PHKB: variants seen among roughly 807,000 people sequenced by gnomAD.
PHKB encodes phosphorylase kinase regulatory subunit beta, also known as phosphorylase b kinase regulatory subunit beta.
In PHKB, 122 loss-of-function variants were observed where a neutral mutation model predicts 152.1. The observed-to-expected ratio is 0.80, with a 90% CI of 0.69 to 0.93. PHKB has a LOEUF of 0.93. Among genes scored for constraint, PHKB ranks in the 40% least tolerant of loss-of-function variants. PHKB has a pLI of 0.00. For synonymous variants in PHKB, 436 were observed against 464.9 expected, an observed-to-expected ratio of 0.94 and a Z score of 0.80; for missense variants, 1,304 against 1,328.4, an observed-to-expected ratio of 0.98 and a Z score of 0.29.
intron 8 of PHKB, 83 bp from the exon 9 acceptor site, chr16:47,587,585 G>A (rs750165829): frequency 2.1e-6 from 2 of 939,508 alleles, no homozygotes; most frequent in Non-Finnish European, 3.4e-6. Context: ...CAGTATTTTT[G>A]TGAAGTTTTC....
intron 13 of PHKB, among the ~76,000 whole-genome samples, chr16:47,600,897 A>G (rs1308438540): frequency 6.6e-6 from 1 of 152,218 alleles, no homozygotes; most frequent in Non-Finnish European, 1.5e-5. Context: ...GTGTCCCAGC[A>G]TTTGGGGAGG....
At chr16:47,521,707 G>T (rs967420583) in intron 6 of PHKB, among the ~76,000 whole-genome samples, 2 of 151,308 alleles carry the variant, frequency 1.3e-5, no homozygotes, top group Admixed American at 1.3e-4. Context: ...TTTTTTTGGA[G>T]ATGCCCTTCA....
At chr16:47,578,473 G>A (rs537361560) in intron 7 of PHKB, among the ~76,000 whole-genome samples, 52 of 152,146 alleles carry the variant, frequency 3.4e-4, no homozygotes, top group African/African-American at 1.2e-3. Context: ...TACCACTCTG[G>A]TAGAAGAAGG....
chr16:47,472,551 G>A (rs1969789195), intron 1 of PHKB, among the ~76,000 whole-genome samples: 1 of 152,122 alleles, frequency 6.6e-6, no homozygotes, highest in Non-Finnish European at 1.5e-5. Context: ...GGGAGGCCGA[G>A]ACGGGCGGAT....
intron 13 of PHKB, among the ~76,000 whole-genome samples, chr16:47,605,194 G>A (rs569660823): frequency 5.9e-5 from 9 of 152,320 alleles, no homozygotes; most frequent in African/African-American, 2.2e-4. Flanking sequence ...ATTCTGCTTA[G>A]TAAGTGTATT....
chr16:47,668,017 G>A (rs1973569537), intron 25 of PHKB, among the ~76,000 whole-genome samples: 1 of 152,174 alleles, frequency 6.6e-6, no homozygotes, highest in Non-Finnish European at 1.5e-5. Context: ...ATTACCAGAG[G>A]CATGGAGTCC....
intron 1 of PHKB, among the ~76,000 whole-genome samples, chr16:47,464,895 C>T (rs1969641023): frequency 1.3e-5 from 2 of 152,174 alleles, no homozygotes; most frequent in African/African-American, 4.8e-5. Flanking sequence ...TTTCAAGCCT[C>T]AGGACTCATG....
chr16:47,686,638 TA>T (rs770271659), intron 26 of PHKB, among the ~76,000 whole-genome samples: 4 of 152,238 alleles, frequency 2.6e-5, no homozygotes, highest in Non-Finnish European at 5.9e-5. Flanking sequence ...TGCTTTTCAT[TA>T]TGAAGAATTT....
At chr16:47,518,471 G>A (rs1401684136) in intron 6 of PHKB, among the ~76,000 whole-genome samples, 1 of 152,184 alleles carries the variant, frequency 6.6e-6, no homozygotes, top group Non-Finnish European at 1.5e-5. Flanking sequence ...TTACAAAGGG[G>A]CAGTGAACCT....
At chr16:47,574,725 C>T (rs1258443129) in intron 7 of PHKB, among the ~76,000 whole-genome samples, 1 of 152,132 alleles carries the variant, frequency 6.6e-6, no homozygotes, top group East Asian at 1.9e-4. Context: ...TAAGAACTCA[C>T]TCAATCCCAT....
intron 27 of PHKB, among the ~76,000 whole-genome samples, chr16:47,689,878 A>G (rs1233757397): frequency 1.3e-5 from 2 of 152,244 alleles, no homozygotes; most frequent in Non-Finnish European, 2.9e-5. Flanking sequence ...TTCATGTTAT[A>G]AAGATGTCAG....
chr16:47,627,746 T>A (rs796216319), intron 14 of PHKB, among the ~76,000 whole-genome samples: 7 of 152,370 alleles, frequency 4.6e-5, no homozygotes, highest in African/African-American at 1.7e-4. Context: ...TCTACTTAAC[T>A]TTCCTCTGCT....
At chr16:47,662,291 T>C (rs1030151148) in intron 23 of PHKB, among the ~76,000 whole-genome samples, 4 of 152,200 alleles carry the variant, frequency 2.6e-5, no homozygotes, top group African/African-American at 7.2e-5. Flanking sequence ...ATGTCCACTC[T>C]GCATTAAGGA....
At chr16:47,504,211 C>A (rs766824710) in intron 4 of PHKB, among the ~76,000 whole-genome samples, 1 of 152,180 alleles carries the variant, frequency 6.6e-6, no homozygotes, top group Non-Finnish European at 1.5e-5. Context: ...CCAGTGGGGT[C>A]ACACAGATGC....
Position 47,598,997 on chromosome 16 carries a change from C to T in PHKB, c.1363+2466C>T. ...AGGCCAGTGGTCTTCTTCAGCACACCCTCCCTGACAGCGCCAACGATTCGA... is the reference window on the plus strand; with the variant it reads ...AGGCCAGTGGTCTTCTTCAGCACACTCTCCCTGACAGCGCCAACGATTCGA... On this transcript the variant is annotated intron_variant, in intron 13 of 30. Transcript: ENST00000323584. The T allele has an allele frequency of 4.2e-6, 4 of 955,140 alleles. No individual in the cohort carries two copies. In the South Asian group the frequency reaches 5.6e-5, roughly 13 times the overall value. The allele number at this position is 955,140 out of a possible 1,614,324, so 59.2% of individuals were successfully genotyped here.
intron 8 of PHKB, among the ~76,000 whole-genome samples, chr16:47,586,136 A>G (rs1017231229): frequency 6.6e-6 from 1 of 152,170 alleles, no homozygotes; most frequent in East Asian, 1.9e-4. Flanking sequence ...GACTTGTTTT[A>G]TAATTTTCTT....
At chr16:47,558,694 A>G (rs996355088) in intron 7 of PHKB, among the ~76,000 whole-genome samples, 1 of 152,136 alleles carries the variant, frequency 6.6e-6, no homozygotes, top group Non-Finnish European at 1.5e-5. Context: ...GATTACAGGC[A>G]TGTGCTACCA....
At chr16:47,563,960 G>C (rs900621382) in intron 7 of PHKB, among the ~76,000 whole-genome samples, 2 of 147,344 alleles carry the variant, frequency 1.4e-5, no homozygotes, top group Non-Finnish European at 3.0e-5. Flanking sequence ...GCCCCCAATT[G>C]CATCCAGATT....
intron 16 of PHKB, among the ~76,000 whole-genome samples, chr16:47,642,678 A>G (rs942034884): frequency 1.3e-5 from 2 of 152,014 alleles, no homozygotes; most frequent in African/African-American, 4.8e-5. Context: ...AAAATGCAGG[A>G]CTCCAGTATC....
Sources: allele counts gnomAD v4.1 joint callset (sites outside exome capture counted in the v4.1 genomes callset), GRCh38; gene constraint gnomAD v4.1.1; transcripts MANE v1.5; gene names NCBI Gene and HGNC (gene_info 2026-07-23, HGNC 2026-07-21).